Variants in CWC27 observed in about 807,000 individuals in gnomAD.
CWC27 encodes CWC27 spliceosome associated cyclophilin, also known as spliceosome-associated protein CWC27 homolog.
Under a neutral mutation model 63.6 loss-of-function variants are expected in CWC27, and 47 were observed. The observed-to-expected ratio is 0.74, with a 90% CI of 0.58 to 0.94. CWC27 has a LOEUF of 0.94. Among genes scored for constraint, CWC27 ranks in the 40% least tolerant of loss-of-function variants. The pLI is 0.00. For missense variants in CWC27, 495 were observed against 554.3 expected (o/e 0.89, Z 1.07); for synonymous variants, 175 against 179.8 (o/e 0.97, Z 0.22).
intron 11 of CWC27, among the ~76,000 whole-genome samples, chr5:64,960,342 G>T (rs1297026723): frequency 6.6e-6 from 1 of 151,572 alleles, no homozygotes; most frequent in African/African-American, 2.4e-5. Flanking sequence ...ACCTTTTCCT[G>T]CTTTCGTTTT....
At chr5:64,925,735 C>A (rs1214956359) in intron 11 of CWC27, among the ~76,000 whole-genome samples, 1 of 152,018 alleles carries the variant, frequency 6.6e-6, no homozygotes, top group Non-Finnish European at 1.5e-5. Context: ...TATACAAAGT[C>A]CTCAAGTTCT....
intron 11 of CWC27, among the ~76,000 whole-genome samples, chr5:64,929,493 T>C (rs1287165301): frequency 6.6e-6 from 1 of 152,190 alleles, no homozygotes; most frequent in Non-Finnish European, 1.5e-5. Flanking sequence ...TTTCAGATAA[T>C]TGAGAACACA....
rs143602479 is a variant in CWC27, at chr5:64,981,002, G to A, written c.1256+3764G>A. ...AGCTACTCAGGAGGCTGAGGCACGA[G>A]AATCGCTTGAACCTGAAAGGTGGAG... On this transcript the variant is annotated intron_variant, in intron 13 of 13. Coordinates refer to ENST00000381070, the MANE Select transcript of CWC27 (RefSeq NM_005869.4). Among the ~76,000 whole-genome samples the A allele has an allele frequency of 8.3e-3, 1,256 of 152,186 alleles. 12 individuals are homozygous for A. The highest frequency in any genetic ancestry group is 0.013 in the Non-Finnish European group (916 of 68,016).
At chr5:64,858,617 C>T (rs1746320284) in intron 10 of CWC27, among the ~76,000 whole-genome samples, 1 of 151,856 alleles carries the variant, frequency 6.6e-6, no homozygotes, top group Non-Finnish European at 1.5e-5. Flanking sequence ...CTTGACCAGA[C>T]ATTCATGAGA....
At chr5:64,793,851 T>C (rs1386784082) in intron 7 of CWC27, among the ~76,000 whole-genome samples, 1 of 152,188 alleles carries the variant, frequency 6.6e-6, no homozygotes, top group African/African-American at 2.4e-5. Flanking sequence ...AAAGTCTGAA[T>C]TGAGGCTTTA....
intron 10 of CWC27, among the ~76,000 whole-genome samples, chr5:64,868,439 A>G (rs1746583546): frequency 6.6e-6 from 1 of 152,084 alleles, no homozygotes; most frequent in East Asian, 1.9e-4. Flanking sequence ...GTTTGTTTTC[A>G]AAGCTAAGAA....
chr5:64,921,662 G>T (rs555497243), intron 11 of CWC27, among the ~76,000 whole-genome samples: 1 of 151,944 alleles, frequency 6.6e-6, no homozygotes. Flanking sequence ...TTACATTCAG[G>T]GTCAATATTG....
intron 11 of CWC27, among the ~76,000 whole-genome samples, chr5:64,889,606 A>T (rs1055858514): frequency 6.6e-6 from 1 of 152,200 alleles, no homozygotes; most frequent in Non-Finnish European, 1.5e-5. Flanking sequence ...TGGCATAAAA[A>T]TATTTTCACA....
intron 11 of CWC27, among the ~76,000 whole-genome samples, chr5:64,898,748 A>G (rs1285806777): frequency 6.6e-6 from 1 of 152,206 alleles, no homozygotes; most frequent in Non-Finnish European, 1.5e-5. Context: ...ATGCAGAACA[A>G]TTCAGGGTGA....
intron 12 of CWC27, among the ~76,000 whole-genome samples, chr5:64,974,509 C>T (rs1749189882): frequency 6.6e-6 from 1 of 152,134 alleles, no homozygotes. Flanking sequence ...ACGAGAATAG[C>T]ATGGTAAAGA....
At chr5:64,814,458 T>C (rs1483606369) in intron 10 of CWC27, among the ~76,000 whole-genome samples, 5 of 152,214 alleles carry the variant, frequency 3.3e-5, no homozygotes, top group Non-Finnish European at 7.3e-5. Flanking sequence ...ATTATTATTC[T>C]ACCTTGGGGT....
intron 13 of CWC27, among the ~76,000 whole-genome samples, chr5:65,010,612 T>A (rs1261734618): frequency 6.6e-6 from 1 of 152,210 alleles, no homozygotes; most frequent in African/African-American, 2.4e-5. Context: ...CAAAATTTCA[T>A]AAAGAATGGC....
At chr5:64,807,925 T>C (rs1744745612) in intron 10 of CWC27, 4 of 1,428,708 alleles carry the variant, frequency 2.8e-6, no homozygotes, top group Non-Finnish European at 2.7e-6. Flanking sequence ...TAAATACATA[T>C]CATCTAGCTT....
intron 10 of CWC27, among the ~76,000 whole-genome samples, chr5:64,814,773 A>G (rs1744980783): frequency 6.6e-6 from 1 of 152,192 alleles, no homozygotes; most frequent in Non-Finnish European, 1.5e-5. Context: ...ATATTATAAT[A>G]TAACTCTTTG....
intron 10 of CWC27, among the ~76,000 whole-genome samples, chr5:64,871,296 C>T (rs1373236563): frequency 6.6e-6 from 1 of 151,968 alleles, no homozygotes; most frequent in East Asian, 1.9e-4. Flanking sequence ...TGCTAAAATA[C>T]AATATGATAA....
In CWC27 at chr5:64,811,058, C is replaced by T. The variant is rs76611575; in HGVS notation, c.938+6672C>T. ...GTTTGTACATTTGAATCATCCCATTCCTGAACAAGCTGTTCATAAATTTTG... is the reference window on the plus strand; with the variant it reads ...GTTTGTACATTTGAATCATCCCATTTCTGAACAAGCTGTTCATAAATTTTG... On this transcript the variant is annotated intron_variant, in intron 10 of 13. Coordinates refer to ENST00000381070, the MANE Select transcript of CWC27 (RefSeq NM_005869.4). Among the ~76,000 whole-genome samples the T allele has an allele frequency of 1.2e-3, 182 of 152,122 alleles. 3 individuals carry two copies. Among genetic ancestry groups the T allele is most frequent in the African/African-American group, 4.3e-3 (178 of 41,532 alleles).
intron 11 of CWC27, among the ~76,000 whole-genome samples, chr5:64,913,281 A>G (rs1352370771): frequency 6.6e-6 from 1 of 152,130 alleles, no homozygotes; most frequent in Non-Finnish European, 1.5e-5. Flanking sequence ...AGCAAGTATT[A>G]TACTTAATGG....
intron 10 of CWC27, among the ~76,000 whole-genome samples, chr5:64,880,257 G>C (rs1422636909): frequency 1.3e-5 from 2 of 151,720 alleles, no homozygotes; most frequent in Non-Finnish European, 2.9e-5. Flanking sequence ...TGGAATTTAG[G>C]CTCCTTGAAC....
chr5:64,992,109 T>C (rs2112459141), intron 13 of CWC27, among the ~76,000 whole-genome samples: 1 of 152,352 alleles, frequency 6.6e-6, no homozygotes, highest in South Asian at 2.1e-4. Context: ...TTGTATGTGC[T>C]ATATTTCAGA....
Sources: gnomAD v4.1 joint callset for allele counts (sites outside exome capture counted in the v4.1 genomes callset) on GRCh38, gnomAD v4.1.1 for gene constraint, MANE v1.5 for transcripts, NCBI Gene and HGNC (gene_info 2026-07-23, HGNC 2026-07-21) for gene names.